Variants in ANXA8 observed in about 807,000 individuals in gnomAD.
ANXA8 encodes VAC-beta.
ANXA8 carries 9 observed loss-of-function variants against 26.8 expected under a neutral mutation model. The observed-to-expected ratio is 0.34, with a 90% confidence interval of 0.20 to 0.59. The LOEUF (loss-of-function observed/expected upper bound fraction) is 0.59, where lower values mean the gene tolerates loss of function less well. Among genes scored for constraint, ANXA8 ranks in the 20% least tolerant of loss-of-function variants. The probability of loss-of-function intolerance (pLI) is 0.84; values close to 1 mark genes in which losing one functional copy is unlikely to be tolerated. For synonymous variants in ANXA8, 39 were observed against 94.8 expected (o/e 0.41, Z 3.42); for missense variants, 83 against 238.5 (o/e 0.35, Z 4.29).
At chr10:47,526,711 A>T in the ANXA8 span, among the ~76,000 whole-genome samples, 8 of 141,104 alleles carry the variant, frequency 5.7e-5, no homozygotes, top group African/African-American at 2.1e-4. Flanking sequence ...ATGTGCGTGT[A>T]GTGGTCTGTA....
At chr10:47,648,020 T>C in the ANXA8 span, among the ~76,000 whole-genome samples, 1 of 151,912 alleles carries the variant, frequency 6.6e-6, no homozygotes, top group Non-Finnish European at 1.5e-5. Context: ...CTTCCTGAGC[T>C]GAGGCTAGAC....
the ANXA8 span, among the ~76,000 whole-genome samples, chr10:47,514,079 G>A: frequency 2.8e-5 from 4 of 141,890 alleles, 1 homozygote; most frequent in African/African-American, 1.0e-4. Context: ...AATCAACAGA[G>A]TATACAGACA....
chr10:47,685,313 T>C, the ANXA8 span, among the ~76,000 whole-genome samples: 5 of 145,234 alleles, frequency 3.4e-5, no homozygotes, highest in African/African-American at 5.2e-5. Flanking sequence ...GCCATTGCAC[T>C]CCAGCCTGGG....
the ANXA8 span, among the ~76,000 whole-genome samples, chr10:47,975,728 T>C: frequency 6.6e-6 from 1 of 150,896 alleles, no homozygotes; most frequent in African/African-American, 2.4e-5. Flanking sequence ...ATTATTACTA[T>C]AATTACTGTT....
the ANXA8 span, among the ~76,000 whole-genome samples, chr10:47,560,820 T>G: frequency 6.6e-6 from 1 of 151,108 alleles, no homozygotes; most frequent in Non-Finnish European, 1.5e-5. Context: ...TTAAAACAAT[T>G]TTTTTTTTTG....
At chr10:47,898,717 T>C in the ANXA8 span, among the ~76,000 whole-genome samples, 5 of 109,286 alleles carry the variant, frequency 4.6e-5, no homozygotes, top group Admixed American at 8.9e-5. Context: ...TGGTAACCCT[T>C]GAAGTCAGGC....
the ANXA8 span, among the ~76,000 whole-genome samples, chr10:47,693,090 TA>T: frequency 6.6e-6 from 1 of 151,846 alleles, no homozygotes; most frequent in Non-Finnish European, 1.5e-5. Flanking sequence ...TTTGTTGATT[TA>T]AAATTGACAC....
At chr10:47,675,716 T>C in the ANXA8 span, among the ~76,000 whole-genome samples, 1 of 151,770 alleles carries the variant, frequency 6.6e-6, no homozygotes, top group East Asian at 1.9e-4. Context: ...AATGAAAAGT[T>C]ACAAGGCACA....
At chr10:47,549,343 T>C in the ANXA8 span, 1 of 1,501,830 alleles carries the variant, frequency 6.7e-7, no homozygotes, top group African/African-American at 1.4e-5. Flanking sequence ...ATCATGTTAA[T>C]GTCACACCCA....
the ANXA8 span, among the ~76,000 whole-genome samples, chr10:47,976,604 A>G: frequency 6.8e-6 from 1 of 147,686 alleles, no homozygotes; most frequent in African/African-American, 2.5e-5. Flanking sequence ...GACAGCTGTG[A>G]AAACCAGCAG....
At chr10:47,731,238 GTA>G in the ANXA8 span, among the ~76,000 whole-genome samples, 89 of 151,188 alleles carry the variant, frequency 5.9e-4, no homozygotes, top group East Asian at 0.014. Context: ...TTTACCCTGT[GTA>G]TGTTTTTAAA....
At chr10:47,939,296 T>A in the ANXA8 span, among the ~76,000 whole-genome samples, 5 of 87,768 alleles carry the variant, frequency 5.7e-5, no homozygotes, top group Non-Finnish European at 1.0e-4. Flanking sequence ...AGAGCAAAAC[T>A]CTGTCTCAAA....
chr10:47,881,805 A>ATGTGCATG, the ANXA8 span, among the ~76,000 whole-genome samples: 1 of 97,630 alleles, frequency 1.0e-5, no homozygotes, highest in South Asian at 4.8e-4. Context: ...GTGTATGAGT[A>ATGTGCATG]TTTGTGTGTA....
At chr10:47,697,038 C>A in the ANXA8 span, among the ~76,000 whole-genome samples, 3 of 151,708 alleles carry the variant, frequency 2.0e-5, no homozygotes, top group African/African-American at 7.3e-5. Context: ...CCAGTTTTCT[C>A]TTCTTTAAAA....
chr10:47,665,314 C>A, the ANXA8 span, among the ~76,000 whole-genome samples: 15 of 150,174 alleles, frequency 1.0e-4, no homozygotes, highest in East Asian at 2.9e-3. Flanking sequence ...TAGAAATAGT[C>A]TGAGTGATGT....
At chr10:47,664,651 G>C in the ANXA8 span, among the ~76,000 whole-genome samples, 1 of 150,760 alleles carries the variant, frequency 6.6e-6, no homozygotes, top group Admixed American at 6.6e-5. Context: ...TATTGTGTTG[G>C]ATAACTTTGT....
chr10:47,677,382 G>C, the ANXA8 span, among the ~76,000 whole-genome samples: 1 of 152,032 alleles, frequency 6.6e-6, no homozygotes, highest in African/African-American at 2.4e-5. Flanking sequence ...TTCTCCTACT[G>C]TAAACAGCTA....
the ANXA8 span, among the ~76,000 whole-genome samples, chr10:47,722,622 C>T: frequency 5.0e-5 from 7 of 140,174 alleles, no homozygotes; most frequent in African/African-American, 1.8e-4. Flanking sequence ...CCACGGGCTG[C>T]CTGAATGTTC....
At chr10:47,596,855 C>A in the ANXA8 span, among the ~76,000 whole-genome samples, 1 of 148,194 alleles carries the variant, frequency 6.7e-6, no homozygotes, top group South Asian at 2.1e-4. Context: ...GCCAATCCTA[C>A]TGAAACTATT....
Sources: allele counts gnomAD v4.1 joint callset (sites outside exome capture counted in the v4.1 genomes callset), GRCh38; gene constraint gnomAD v4.1.1; transcripts MANE v1.5; gene names NCBI Gene and HGNC (gene_info 2026-07-23, HGNC 2026-07-21).